Variants in GAN observed in about 807,000 individuals in gnomAD.
GAN encodes epididymis secretory sperm binding protein.
GAN carries 48 observed loss-of-function variants against 71.3 expected under a neutral mutation model. The observed-to-expected ratio is 0.67, with a 90% confidence interval of 0.53 to 0.86. The LOEUF is 0.86. Among genes scored for constraint, GAN ranks in the 40% least tolerant of loss-of-function variants. GAN has a pLI of 0.00. For missense variants in GAN, 928 were observed against 770.1 expected, an observed-to-expected ratio of 1.21 and a Z score of -2.43; for synonymous variants, 386 against 276.8, an observed-to-expected ratio of 1.39 and a Z score of -3.92.
Position 81,335,152 on chromosome 16 carries a change from G to T in GAN, c.168-16431G>T, listed in dbSNP as rs79860114. On this transcript the variant is annotated intron_variant, in intron 1 of 10. Transcript: ENST00000648994. ...GGATTAAACTGTGTGACTATGGGGT[G>T]GGGGGAGGGGTGTTCCAGGCAGGGA... Among the ~76,000 whole-genome samples, 5 of 111,076 alleles carry T rather than the reference G, an allele frequency of 4.5e-5. 1 individual carries two copies. Among genetic ancestry groups the T allele is most frequent in the African/African-American group, 1.7e-4 (5 of 29,360 alleles). 72.9% of individuals were successfully genotyped at this position (111,076 alleles called of 152,430 possible). A position where few individuals can be genotyped will look rare whatever the true frequency, so the allele number is the denominator to read the frequency against.
At chr16:81,367,985 T>C (rs1176706245) in intron 9 of GAN, among the ~76,000 whole-genome samples, 1 of 152,254 alleles carries the variant, frequency 6.6e-6, no homozygotes, top group African/African-American at 2.4e-5. Flanking sequence ...TGGCATAGTG[T>C]GGAAACTGTA....
intron 4 of GAN, 115 bp from the exon 5 acceptor site, chr16:81,357,695 A>G: frequency 2.0e-6 from 2 of 1,011,608 alleles, no homozygotes; most frequent in Admixed American, 3.4e-5. Flanking sequence ...GACTTCCACA[A>G]GGGTTTTTAA....
chr16:81,377,670 T>C lies in GAN; in HGVS notation c.*74T>C. On this transcript the variant is annotated 3_prime_UTR_variant, in exon 11 of 11. Coordinates refer to ENST00000648994, the MANE Select transcript of GAN (RefSeq NM_022041.4). ...ATAGCTCCGAAAGGGAGAGCAGAGATGGCAGCTGAAACTCACTCTGTGCTG... is the reference window on the plus strand; with the variant it reads ...ATAGCTCCGAAAGGGAGAGCAGAGACGGCAGCTGAAACTCACTCTGTGCTG... 1 of 1,334,380 alleles carries C rather than the reference T, an allele frequency of 7.5e-7. No individual in the cohort carries two copies. The allele number at this position is 1,334,380 out of a possible 1,614,324, so 82.7% of individuals were successfully genotyped here.
chr16:81,326,981 A>G (rs757321672), intron 1 of GAN, among the ~76,000 whole-genome samples: 2 of 152,264 alleles, frequency 1.3e-5, no homozygotes, highest in Non-Finnish European at 2.9e-5. Flanking sequence ...TTTCTGCCAT[A>G]GCATTTTACT....
At position 81,377,722 on chromosome 16, in the gene GAN, G is replaced by C; in HGVS notation, c.*126G>C. 1 of 882,116 alleles carries C rather than the reference G, an allele frequency of 1.1e-6. No homozygotes were observed. Among genetic ancestry groups the C allele is most frequent in the Non-Finnish European group, 1.9e-6 (1 of 525,438 alleles). 54.6% of individuals were successfully genotyped at this position (882,116 alleles called of 1,614,324 possible). A position where few individuals can be genotyped will look rare whatever the true frequency, so the allele number is the denominator to read the frequency against. ...GCTTTGGTATGGTAACTCTTTGGTG[G>C]TTTTATGATGCTTACAAACTTGAGC... On this transcript the variant is annotated 3_prime_UTR_variant, in exon 11 of 11. Transcript: ENST00000648994.
At chr16:81,367,048 C>G (rs569191393) in intron 9 of GAN, among the ~76,000 whole-genome samples, 20 of 152,222 alleles carry the variant, frequency 1.3e-4, no homozygotes, top group African/African-American at 4.8e-4. Flanking sequence ...TGGTCTCGAA[C>G]TCCTGACTTA....
intron 6 of GAN, among the ~76,000 whole-genome samples, chr16:81,363,534 C>T (rs1910747258): frequency 1.3e-5 from 2 of 152,128 alleles, no homozygotes; most frequent in Non-Finnish European, 2.9e-5. Context: ...CTCGGGGATA[C>T]ATGTGCAGGT....
At chr16:81,317,998 A>G (rs910478353) in intron 1 of GAN, among the ~76,000 whole-genome samples, 4 of 152,338 alleles carry the variant, frequency 2.6e-5, no homozygotes, top group South Asian at 2.1e-4. Context: ...AAAATTATCA[A>G]TTCCGAAGCT....
chr16:81,355,419 G>C (rs545117333), intron 3 of GAN, among the ~76,000 whole-genome samples: 118 of 152,326 alleles, frequency 7.7e-4, no homozygotes, highest in Non-Finnish European at 1.3e-3. Context: ...GCAGTAGCCA[G>C]AGTGGCACGA....
chr16:81,383,270 T>G lies in GAN; in HGVS notation c.*5674T>G, dbSNP rs1904317059. The G allele has an allele frequency of 8.1e-6, 1 of 123,138 alleles. No individual in the cohort carries two copies. Among genetic ancestry groups the G allele is most frequent in the Non-Finnish European group, 1.7e-5 (1 of 58,970 alleles). The allele number at this position is 123,138 out of a possible 1,614,324, so 7.6% of individuals were successfully genotyped here. Reference sequence around the variant, plus strand: ...TTTTTTTTTTTTTTTTTTTTTTTTTTGAGACGGAGTCTCGCTCTGTCGCCT... The same window carrying G: ...TTTTTTTTTTTTTTTTTTTTTTTTTGGAGACGGAGTCTCGCTCTGTCGCCT... On this transcript the variant is annotated 3_prime_UTR_variant, in exon 11 of 11. Transcript: ENST00000648994.
chr16:81,366,387 C>T (rs1461216681), intron 9 of GAN, among the ~76,000 whole-genome samples: 1 of 152,228 alleles, frequency 6.6e-6, no homozygotes, highest in Non-Finnish European at 1.5e-5. Context: ...TAACATCCTT[C>T]TCGATGTCTT....
chr16:81,322,976 A>G (rs764424958), intron 1 of GAN, among the ~76,000 whole-genome samples: 1 of 152,196 alleles, frequency 6.6e-6, no homozygotes, highest in Admixed American at 6.6e-5. Context: ...AGGACAATGA[A>G]AATCCTTAGA....
chr16:81,363,735 A>ATCTT, intron 6 of GAN, 59 bp from the exon 7 acceptor site: 4 of 1,532,148 alleles, frequency 2.6e-6, no homozygotes. Flanking sequence ...GTGTATGAAT[A>ATCTT]TCAGCTTTCA....
chr16:81,325,808 A>G (rs1909366301), intron 1 of GAN, among the ~76,000 whole-genome samples: 1 of 152,232 alleles, frequency 6.6e-6, no homozygotes, highest in African/African-American at 2.4e-5. Context: ...TCTGTCTTAA[A>G]TGTGTTGAAT....
chr16:81,370,061 G>C (rs1370508601), intron 9 of GAN, among the ~76,000 whole-genome samples: 1 of 152,134 alleles, frequency 6.6e-6, no homozygotes, highest in Non-Finnish European at 1.5e-5. Flanking sequence ...ATTTGCAAGG[G>C]TCACCAGAAG....
Position 81,358,637 on chromosome 16 carries a change from A to G in GAN, c.973+706A>G, listed in dbSNP as rs549246513. Among the ~76,000 whole-genome samples the G allele has an allele frequency of 5.3e-5, 8 of 152,182 alleles. No homozygotes were observed. In the South Asian group the frequency reaches 1.7e-3, roughly 32 times the overall value. On this transcript the variant is annotated intron_variant, in intron 5 of 10. Transcript: ENST00000648994. ...AAAAAAAGAAAAAAAAAGAGAAGTT[A>G]TGAGACTTTAGGAAATGCTACTTAT... is the stretch of plus-strand genomic sequence containing the variant.
chr16:81,335,443 C>T (rs959604759), intron 1 of GAN, among the ~76,000 whole-genome samples: 3 of 151,396 alleles, frequency 2.0e-5, no homozygotes, highest in Admixed American at 6.6e-5. Flanking sequence ...ATGGTGAAAC[C>T]CTGTGTCTAC....
chr16:81,324,980 A>G (rs1254439661), intron 1 of GAN, among the ~76,000 whole-genome samples: 1 of 152,172 alleles, frequency 6.6e-6, no homozygotes, highest in South Asian at 2.1e-4. Context: ...GACATTTGGC[A>G]CCAGGACATG....
intron 2 of GAN, 142 bp from the exon 3 acceptor site, chr16:81,354,263 G>A (rs1910408844): frequency 7.6e-6 from 5 of 661,162 alleles, no homozygotes; most frequent in Non-Finnish European, 1.1e-5. Flanking sequence ...AAAATGCTGG[G>A]TTAAACCATA....
Sources: gnomAD v4.1 joint callset for allele counts (sites outside exome capture counted in the v4.1 genomes callset) on GRCh38, gnomAD v4.1.1 for gene constraint, MANE v1.5 for transcripts, NCBI Gene and HGNC (gene_info 2026-07-23, HGNC 2026-07-21) for gene names.